The following SAP130 variants were observed in gnomAD, a reference collection of about 807,000 sequenced individuals.
SAP130 encodes Sin3A associated protein 130.
Under a neutral mutation model 103.2 loss-of-function variants are expected in SAP130, and 16 were observed. The observed-to-expected ratio is 0.16, with a 90% confidence interval of 0.10 to 0.24. The LOEUF (loss-of-function observed/expected upper bound fraction) is 0.24, where lower values mean the gene tolerates loss of function less well. Among genes scored for constraint, SAP130 ranks in the 10% least tolerant of loss-of-function variants. The probability of loss-of-function intolerance (pLI) is 1.00; values close to 1 mark genes in which losing one functional copy is unlikely to be tolerated. For synonymous variants in SAP130, 477 were observed against 497.0 expected (o/e 0.96, Z 0.53); for missense variants, 990 against 1,359.7 (o/e 0.73, Z 4.28).
chr2:127,988,810 C>G (rs1682579241), intron 13 of SAP130, among the ~76,000 whole-genome samples: 1 of 152,166 alleles, frequency 6.6e-6, no homozygotes, highest in South Asian at 2.1e-4. Flanking sequence ...AGATCACACA[C>G]CACTGCACTC....
At chr2:128,000,988 A>G (rs1683519484) in intron 7 of SAP130, among the ~76,000 whole-genome samples, 1 of 152,238 alleles carries the variant, frequency 6.6e-6, no homozygotes, top group South Asian at 2.1e-4. Flanking sequence ...AGTTTTTGAC[A>G]AATTTCCTGA....
intron 7 of SAP130, among the ~76,000 whole-genome samples, chr2:128,001,103 C>T (rs1683528234): frequency 6.6e-6 from 1 of 152,262 alleles, no homozygotes; most frequent in East Asian, 1.9e-4. Flanking sequence ...TGTAAGAACA[C>T]TCCTAAAATG....
chr2:128,024,643 T>C (rs1480157293), intron 2 of SAP130, among the ~76,000 whole-genome samples: 2 of 151,680 alleles, frequency 1.3e-5, no homozygotes, highest in African/African-American at 2.4e-5. Flanking sequence ...GGTGGATCAC[T>C]TGAAGTCTGG....
intron 7 of SAP130, among the ~76,000 whole-genome samples, chr2:128,009,558 C>T (rs1380414077): frequency 6.6e-6 from 1 of 152,166 alleles, no homozygotes; most frequent in Non-Finnish European, 1.5e-5. Flanking sequence ...TACCCTTCTA[C>T]CCAACTCTGC....
chr2:127,997,054 T>C (rs1320191762), intron 10 of SAP130, among the ~76,000 whole-genome samples: 2 of 152,200 alleles, frequency 1.3e-5, no homozygotes, highest in Non-Finnish European at 2.9e-5. Flanking sequence ...AATTCCCAAG[T>C]CTGTTTCTTT....
At chr2:128,021,393 G>A (rs1685144438) in intron 2 of SAP130, among the ~76,000 whole-genome samples, 1 of 150,066 alleles carries the variant, frequency 6.7e-6, no homozygotes, top group Non-Finnish European at 1.5e-5. Context: ...GTTGCAGTGA[G>A]TCGAGATCGC....
At chr2:127,979,746 C>T (rs768938451) in intron 14 of SAP130, among the ~76,000 whole-genome samples, 4 of 151,816 alleles carry the variant, frequency 2.6e-5, no homozygotes, top group Non-Finnish European at 5.9e-5. Context: ...GACATGGTAT[C>T]TAGGATTTGC....
chr2:127,950,122 G>T (rs1212288342), intron 17 of SAP130, 38 bp downstream of exon 17: 3 of 1,612,114 alleles, frequency 1.9e-6, no homozygotes, highest in Non-Finnish European at 2.5e-6. Flanking sequence ...TGACTTTATT[G>T]GGAAGCATCA....
intron 15 of SAP130, among the ~76,000 whole-genome samples, chr2:127,961,567 A>G (rs903102411): frequency 2.1e-5 from 3 of 146,106 alleles, no homozygotes; most frequent in Non-Finnish European, 4.5e-5. Context: ...ACTTGTAACC[A>G]TATTTTATTT....
chr2:128,000,235 C>T, intron 8 of SAP130, 72 bp downstream of exon 8: 9 of 1,605,886 alleles, frequency 5.6e-6, no homozygotes, highest in Non-Finnish European at 7.7e-6. Flanking sequence ...ATCACCAGGC[C>T]CTCAGCACAT....
chr2:128,026,057 C>A, intron 2 of SAP130, 124 bp downstream of exon 2: 1 of 700,164 alleles, frequency 1.4e-6, no homozygotes, highest in South Asian at 1.9e-5. Context: ...GTAATATACC[C>A]TTTCTTCAAA....
At chr2:127,958,775 C>A (rs1227594731) in intron 15 of SAP130, among the ~76,000 whole-genome samples, 1 of 151,814 alleles carries the variant, frequency 6.6e-6, no homozygotes, top group Non-Finnish European at 1.5e-5. Flanking sequence ...GATCCTCCTG[C>A]CTGAACCTCA....
At chr2:127,964,075 T>C (rs1308598602) in intron 15 of SAP130, among the ~76,000 whole-genome samples, 4 of 152,230 alleles carry the variant, frequency 2.6e-5, no homozygotes, top group East Asian at 1.9e-4. Flanking sequence ...TATGTGCCTG[T>C]AGTCCCCTAC....
At chr2:128,008,449 T>G (rs547371306) in intron 7 of SAP130, among the ~76,000 whole-genome samples, 1 of 151,510 alleles carries the variant, frequency 6.6e-6, no homozygotes, top group East Asian at 1.9e-4. Flanking sequence ...CCTAGTAATC[T>G]CAAACTCCTG....
At chr2:127,957,492 T>C (rs1306399724) in intron 15 of SAP130, among the ~76,000 whole-genome samples, 2 of 152,056 alleles carry the variant, frequency 1.3e-5, no homozygotes, top group African/African-American at 4.8e-5. Context: ...CTAGTTAACA[T>C]AGGGAAACCC....
At position 127,996,501 on chromosome 2, in the gene SAP130, G is replaced by A; in HGVS notation, c.1214-10C>T. On this transcript the variant is annotated splice_polypyrimidine_tract_variant and intron_variant, in intron 10 of 20. Coordinates refer to ENST00000643581, the MANE Select transcript of SAP130 (RefSeq NM_001330301.2). The surrounding 1 kb of genome is among the most constrained non-coding windows in gnomAD (Gnocchi z 4.3). ...TGGGGCACCACCTTGGCTGCAAACA[G>A]TAAATGCCAATTCCATGACCATTCT... The A allele has an allele frequency of 1.3e-6, 2 of 1,528,636 alleles. No homozygotes were observed. Among genetic ancestry groups the A allele is most frequent in the Non-Finnish European group, 1.8e-6 (2 of 1,132,656 alleles). The allele number at this position is 1,528,636 out of a possible 1,614,324, so 94.7% of individuals were successfully genotyped here.
Position 128,026,165 on chromosome 2 carries a change from A to G in SAP130, c.112+16T>C. On this transcript the variant is annotated intron_variant, in intron 2 of 20. Transcript: ENST00000643581. Reference sequence around the variant, plus strand: ...TTAAAGTAGGAAAAAATATATTAGAATATTACATATCTCACCTGTAGCAGC... The same window carrying G: ...TTAAAGTAGGAAAAAATATATTAGAGTATTACATATCTCACCTGTAGCAGC... 6.6e-7 allele frequency: 1 copy of G among 1,520,924 alleles called. No homozygotes were observed. The highest frequency in any genetic ancestry group is 1.7e-5 in the Admixed American group (1 of 58,026). The allele number at this position is 1,520,924 out of a possible 1,614,324, so 94.2% of individuals were successfully genotyped here. A position where few individuals can be genotyped will look rare whatever the true frequency, so the allele number is the denominator to read the frequency against.
chr2:127,989,990 A>G lies in SAP130; in HGVS notation c.1478-124T>C, dbSNP rs866538841. On this transcript the variant is annotated intron_variant, in intron 12 of 20. Transcript: ENST00000643581. The surrounding 1 kb of genome is among the most constrained non-coding windows in gnomAD (Gnocchi z 4.6). Reference sequence around the variant, plus strand: ...AAGATCTAAATCCATGGTTTGAAAAAAAATAAATAAATAAACATTGTTACT... The same window carrying G: ...AAGATCTAAATCCATGGTTTGAAAAGAAATAAATAAATAAACATTGTTACT... 1 of 838,874 alleles carries G rather than the reference A, an allele frequency of 1.2e-6. No individual in the cohort carries two copies. The allele number at this position is 838,874 out of a possible 1,614,324, so 52.0% of individuals were successfully genotyped here.
chr2:128,004,816 G>A (rs917152830), intron 7 of SAP130, among the ~76,000 whole-genome samples: 4 of 152,030 alleles, frequency 2.6e-5, no homozygotes, highest in African/African-American at 9.7e-5. Flanking sequence ...GTGAAGTAAT[G>A]GCCAACAAAA....
Sources: gnomAD v4.1 joint callset for allele counts (sites outside exome capture counted in the v4.1 genomes callset) on GRCh38, gnomAD v4.1.1 for gene constraint, Gnocchi (gnomAD v3.1) non-coding constraint, MANE v1.5 for transcripts, NCBI Gene and HGNC (gene_info 2026-07-23, HGNC 2026-07-21) for gene names.